The following PADI1 variants were observed in gnomAD, a reference collection of about 807,000 sequenced individuals.
The protein encoded by PADI1 is peptidyl arginine deiminase 1.
PADI1 carries 65 observed loss-of-function variants against 74.8 expected under a neutral mutation model. That is an observed-to-expected ratio of 0.87 (90% CI 0.71 to 1.07). PADI1 has a LOEUF of 1.07. PADI1 is among the 50% of genes least tolerant of loss of function. The probability of loss-of-function intolerance (pLI) is 0.00; values close to 1 mark genes in which losing one functional copy is unlikely to be tolerated. For synonymous variants in PADI1, 371 were observed against 336.2 expected (o/e 1.10, Z -1.13); for missense variants, 943 against 854.0 (o/e 1.10, Z -1.30).
intron 1 of PADI1, among the ~76,000 whole-genome samples, chr1:17,220,800 C>T (rs1189992238): frequency 6.6e-6 from 1 of 152,194 alleles, no homozygotes; most frequent in Non-Finnish European, 1.5e-5. Flanking sequence ...CAGTGCCTGG[C>T]ACAGAGAGGC....
intron 1 of PADI1, among the ~76,000 whole-genome samples, chr1:17,216,684 A>G (rs1158103638): frequency 6.6e-6 from 1 of 152,148 alleles, no homozygotes; most frequent in Non-Finnish European, 1.5e-5. Context: ...CAGCCTGGCC[A>G]ACATGGCGAA....
intron 1 of PADI1, among the ~76,000 whole-genome samples, chr1:17,207,786 G>T (rs2071721773): frequency 6.6e-6 from 1 of 152,232 alleles, no homozygotes; most frequent in Non-Finnish European, 1.5e-5. Flanking sequence ...AGCACACAGG[G>T]CACCTCCATC....
chr1:17,215,537 G>A (rs1267057156), intron 1 of PADI1, among the ~76,000 whole-genome samples: 1 of 152,112 alleles, frequency 6.6e-6, no homozygotes, highest in Admixed American at 6.5e-5. Flanking sequence ...GGCACCGGTG[G>A]TCCCTGAGTG....
chr1:17,214,702 T>C (rs545041422), intron 1 of PADI1, among the ~76,000 whole-genome samples: 37 of 152,272 alleles, frequency 2.4e-4, no homozygotes, highest in African/African-American at 8.9e-4. Context: ...CAGGGTGGCC[T>C]GGGGCTCCCC....
At chr1:17,229,910 A>G (rs2100484352) in intron 8 of PADI1, among the ~76,000 whole-genome samples, 175 bp from the exon 9 acceptor site, 1 of 152,194 alleles carries the variant, frequency 6.6e-6, no homozygotes, top group Non-Finnish European at 1.5e-5. Flanking sequence ...CTGTCACCTG[A>G]TGTGATCTGG....
chr1:17,209,634 C>T (rs1488417018), intron 1 of PADI1, among the ~76,000 whole-genome samples: 1 of 152,054 alleles, frequency 6.6e-6, no homozygotes, highest in African/African-American at 2.4e-5. Context: ...TTACCCCTTC[C>T]TGGCATTTCC....
intron 7 of PADI1, 52 bp downstream of exon 7, chr1:17,228,849 A>G (rs2072401480): frequency 1.9e-6 from 3 of 1,571,488 alleles, no homozygotes; most frequent in Non-Finnish European, 2.6e-6. Context: ...TTGGGGGCCC[A>G]GTTTGCAGGC....
chr1:17,230,371 T>C (rs1160946693), intron 9 of PADI1, among the ~76,000 whole-genome samples, 163 bp downstream of exon 9: 1 of 152,192 alleles, frequency 6.6e-6, no homozygotes, highest in Non-Finnish European at 1.5e-5. Context: ...CAGCCTCCAC[T>C]GCTTCCCTCC....
intron 11 of PADI1, among the ~76,000 whole-genome samples, chr1:17,235,335 T>C (rs537611486): frequency 6.2e-5 from 8 of 128,748 alleles, no homozygotes; most frequent in Non-Finnish European, 1.3e-4. Context: ...GTGGACCATG[T>C]TGCAGGCAGA....
chr1:17,229,552 G>A (rs965512384), intron 8 of PADI1, among the ~76,000 whole-genome samples: 12 of 152,344 alleles, frequency 7.9e-5, no homozygotes, highest in African/African-American at 2.9e-4. Flanking sequence ...AGCCCTGCCA[G>A]GCCTCTGTGC....
chr1:17,217,788 A>C (rs540861490), intron 1 of PADI1, among the ~76,000 whole-genome samples: 4 of 152,374 alleles, frequency 2.6e-5, no homozygotes, highest in Admixed American at 1.3e-4. Context: ...GACATTGGTC[A>C]AGGCTACAAA....
At chr1:17,232,775 G>T in intron 10 of PADI1, 44 bp from the exon 11 acceptor site, 1 of 1,579,786 alleles carries the variant, frequency 6.3e-7, no homozygotes, top group South Asian at 1.1e-5. Context: ...TGTCCTCACT[G>T]ACCTCTCCTT....
intron 1 of PADI1, among the ~76,000 whole-genome samples, chr1:17,210,951 C>T (rs999464959): frequency 2.0e-5 from 3 of 152,184 alleles, no homozygotes; most frequent in Non-Finnish European, 2.9e-5. Context: ...TTCTGGCACT[C>T]GGTGATGATA....
At chr1:17,230,522 T>C (rs1402875347) in intron 9 of PADI1, 50 bp from the exon 10 acceptor site, 4 of 1,354,394 alleles carry the variant, frequency 3.0e-6, no homozygotes, top group Non-Finnish European at 4.1e-6. Flanking sequence ...CCCTGTTCTG[T>C]AAACCACCCG....
At chr1:17,210,145 T>C (rs1009059385) in intron 1 of PADI1, among the ~76,000 whole-genome samples, 6 of 151,656 alleles carry the variant, frequency 4.0e-5, no homozygotes, top group African/African-American at 1.5e-4. Context: ...CTGCCTAAGT[T>C]TTTATTTTAT....
chr1:17,210,925 C>T (rs79140718), intron 1 of PADI1, among the ~76,000 whole-genome samples: 1,777 of 152,324 alleles, frequency 0.012, 37 homozygotes, highest in African/African-American at 0.041. Flanking sequence ...CTCCCGGGCA[C>T]CTGCTCTGTG....
At chr1:17,223,507 G>C (rs1054895845) in intron 2 of PADI1, 114 bp from the exon 3 acceptor site, 1 of 801,702 alleles carries the variant, frequency 1.2e-6, no homozygotes, top group South Asian at 1.5e-5. Flanking sequence ...GACTGGGGGG[G>C]TCTCCAGGCC....
At position 17,224,411 on chromosome 1, in the gene PADI1, A is replaced by T; in HGVS notation, c.391A>T (p.Arg131Trp). 1 of 1,613,910 alleles carries T rather than the reference A, an allele frequency of 6.2e-7. No homozygotes were observed. Among genetic ancestry groups the T allele is most frequent in the Non-Finnish European group, 8.5e-7 (1 of 1,179,888 alleles). Residue 131 changes from arginine (R) to tryptophan (W), a missense_variant, in exon 4 of 16, where the codon AGG becomes TGG. Transcript: ENST00000375471. ...VDTGRTGKVK[R>W]SQGDKKTWRW... ...CACAGGCCGCACAGGCAAGGTGAAG[A>T]GGAGCCAAGGGGACAAGGTGAGACC... is the stretch of plus-strand genomic sequence containing the variant.
intron 1 of PADI1, among the ~76,000 whole-genome samples, chr1:17,205,571 C>T (rs1394457086): frequency 6.6e-6 from 1 of 152,150 alleles, no homozygotes; most frequent in Admixed American, 6.5e-5. Context: ...ATTTCTAACT[C>T]TGAGCCCTGG....
Sources: gnomAD v4.1 joint callset for allele counts (sites outside exome capture counted in the v4.1 genomes callset) on GRCh38, gnomAD v4.1.1 for gene constraint, MANE v1.5 for transcripts, NCBI Gene and HGNC (gene_info 2026-07-23, HGNC 2026-07-21) for gene names.